Variants in GALNTL6 observed in about 807,000 individuals in gnomAD.
GALNTL6 encodes the protein polypeptide N-acetylgalactosaminyltransferase like 6.
In GALNTL6, 46 loss-of-function variants were observed where a neutral mutation model predicts 73.7. That is an observed-to-expected ratio of 0.62 (90% CI 0.49 to 0.80). The LOEUF (loss-of-function observed/expected upper bound fraction) is 0.80, where lower values mean the gene tolerates loss of function less well. Ranked by LOEUF, GALNTL6 falls within the 30% of genes least tolerant of loss-of-function variation. The pLI is 0.00. For missense variants in GALNTL6, 604 were observed against 755.0 expected (o/e 0.80, Z 2.34); for synonymous variants, 259 against 263.7 (o/e 0.98, Z 0.17).
At chr4:172,941,519 T>C (rs1000030842) in intron 9 of GALNTL6, among the ~76,000 whole-genome samples, 1 of 152,214 alleles carries the variant, frequency 6.6e-6, no homozygotes, top group Non-Finnish European at 1.5e-5. Flanking sequence ...TACATAACTT[T>C]CTTTTTTCAA....
intron 2 of GALNTL6, among the ~76,000 whole-genome samples, chr4:172,165,233 C>T (rs1434089746): frequency 6.6e-6 from 1 of 151,950 alleles, no homozygotes; most frequent in Non-Finnish European, 1.5e-5. Context: ...GTTAATTCCC[C>T]CAGCAACCAA....
At chr4:172,821,413 A>G (rs139530768) in intron 7 of GALNTL6, among the ~76,000 whole-genome samples, 143 of 152,314 alleles carry the variant, frequency 9.4e-4, no homozygotes, top group African/African-American at 3.2e-3. Context: ...CTCTCCTTGT[A>G]AGAGAAACTT....
chr4:172,545,996 T>C (rs972422523), intron 5 of GALNTL6, among the ~76,000 whole-genome samples: 1 of 152,226 alleles, frequency 6.6e-6, no homozygotes, highest in African/African-American at 2.4e-5. Context: ...GTGCCTACAA[T>C]GTGCTAAGGT....
chr4:172,787,529 A>G (rs1057249674), intron 5 of GALNTL6, among the ~76,000 whole-genome samples: 1 of 152,218 alleles, frequency 6.6e-6, no homozygotes, highest in Non-Finnish European at 1.5e-5. Flanking sequence ...ACTAGTAGCC[A>G]TTTGGTCTTG....
chr4:172,337,090 C>A (rs1202808518), intron 4 of GALNTL6, among the ~76,000 whole-genome samples: 2 of 152,140 alleles, frequency 1.3e-5, no homozygotes, highest in Non-Finnish European at 2.9e-5. Flanking sequence ...AATAGTGACC[C>A]CTGCTCTTTT....
chr4:172,014,547 T>G (rs544594958), intron 2 of GALNTL6, among the ~76,000 whole-genome samples: 1 of 152,146 alleles, frequency 6.6e-6, no homozygotes, highest in South Asian at 2.1e-4. Flanking sequence ...TCCAATTTAA[T>G]TTAGCTCTGC....
chr4:172,128,244 G>T (rs1733360380), intron 2 of GALNTL6, among the ~76,000 whole-genome samples: 1 of 152,104 alleles, frequency 6.6e-6, no homozygotes, highest in South Asian at 2.1e-4. Flanking sequence ...GAAATTAAAA[G>T]GCATTTAGGC....
intron 2 of GALNTL6, among the ~76,000 whole-genome samples, chr4:172,046,521 C>T (rs572536272): frequency 6.6e-6 from 1 of 152,062 alleles, no homozygotes; most frequent in Non-Finnish European, 1.5e-5. Context: ...CCCAGCATTT[C>T]ACTGACCCTT....
At chr4:172,187,932 C>T (rs1735463171) in intron 2 of GALNTL6, among the ~76,000 whole-genome samples, 1 of 151,962 alleles carries the variant, frequency 6.6e-6, no homozygotes, top group Non-Finnish European at 1.5e-5. Flanking sequence ...AAGTACTTTT[C>T]CTTCACTGCT....
chr4:172,750,864 G>C (rs1287623911), intron 5 of GALNTL6, among the ~76,000 whole-genome samples: 2 of 151,374 alleles, frequency 1.3e-5, no homozygotes, highest in Non-Finnish European at 2.9e-5. Flanking sequence ...ACTTCCTTTA[G>C]TCATTTTCTT....
intron 5 of GALNTL6, among the ~76,000 whole-genome samples, chr4:172,624,998 A>G (rs574789946): frequency 6.6e-6 from 1 of 152,008 alleles, no homozygotes; most frequent in South Asian, 2.1e-4. Context: ...CCAAAAAAAG[A>G]ACTACTTTTG....
At chr4:172,108,461 A>G (rs1732748671) in intron 2 of GALNTL6, among the ~76,000 whole-genome samples, 1 of 152,166 alleles carries the variant, frequency 6.6e-6, no homozygotes. Flanking sequence ...GATGTCTGTA[A>G]GCCTAAACAG....
chr4:171,816,460 T>A (rs879493196), intron 2 of GALNTL6: 1 of 152,012 alleles, frequency 6.6e-6, no homozygotes, highest in African/African-American at 2.4e-5. Flanking sequence ...GATACTTAAT[T>A]TCAGGTAATA....
intron 5 of GALNTL6, among the ~76,000 whole-genome samples, chr4:172,415,548 C>T (rs573737718): frequency 4.6e-5 from 7 of 152,092 alleles, no homozygotes; most frequent in Non-Finnish European, 1.0e-4. Context: ...CGAAGAAAAA[C>T]GACACTCACT....
chr4:171,998,037 G>C (rs958276334), intron 2 of GALNTL6, among the ~76,000 whole-genome samples: 4 of 152,082 alleles, frequency 2.6e-5, no homozygotes, highest in Non-Finnish European at 5.9e-5. Context: ...ACTGTAGCAT[G>C]GGTTCTTATC....
intron 2 of GALNTL6, among the ~76,000 whole-genome samples, chr4:172,122,601 A>G (rs1245157668): frequency 1.3e-5 from 2 of 152,196 alleles, no homozygotes; most frequent in South Asian, 2.1e-4. Context: ...GCAAAAGACT[A>G]TTCCTAGGCA....
At chr4:171,843,638 C>T (rs957424983) in intron 2 of GALNTL6, among the ~76,000 whole-genome samples, 2 of 151,994 alleles carry the variant, frequency 1.3e-5, no homozygotes, top group Non-Finnish European at 2.9e-5. Context: ...TAGGCTCTCC[C>T]CATATTGTGT....
intron 2 of GALNTL6, among the ~76,000 whole-genome samples, chr4:171,872,507 T>A (rs1397004543): frequency 6.6e-6 from 1 of 152,184 alleles, no homozygotes; most frequent in African/African-American, 2.4e-5. Context: ...TAGGCTGCCA[T>A]AACAAAGTAA....
At chr4:172,584,557 A>G (rs1484565317) in intron 5 of GALNTL6, among the ~76,000 whole-genome samples, 1 of 152,208 alleles carries the variant, frequency 6.6e-6, no homozygotes, top group Non-Finnish European at 1.5e-5. Context: ...AGAAATACCA[A>G]GAAATTAAAC....
Sources: gnomAD v4.1 joint callset for allele counts (sites outside exome capture counted in the v4.1 genomes callset) on GRCh38, gnomAD v4.1.1 for gene constraint, MANE v1.5 for transcripts, NCBI Gene and HGNC (gene_info 2026-07-23, HGNC 2026-07-21) for gene names.